COL24A1: variants seen among roughly 807,000 people sequenced by gnomAD.
COL24A1 encodes collagen type XXIV alpha 1 chain, also known as collagen alpha-1(XXIV) chain.
COL24A1 carries 224 observed loss-of-function variants against 253.9 expected under a neutral mutation model. That is an observed-to-expected ratio of 0.88 (90% CI 0.79 to 0.99). The LOEUF (loss-of-function observed/expected upper bound fraction) is 0.99, where lower values mean the gene tolerates loss of function less well. Among genes scored for constraint, COL24A1 ranks in the 50% least tolerant of loss-of-function variants. COL24A1 has a pLI of 0.00. For synonymous variants in COL24A1, 685 were observed against 673.7 expected (o/e 1.02, Z -0.26); for missense variants, 2,131 against 2,068.5 (o/e 1.03, Z -0.59).
chr1:85,898,458 C>A (rs1234576999), intron 28 of COL24A1, among the ~76,000 whole-genome samples: 2 of 152,144 alleles, frequency 1.3e-5, no homozygotes, highest in Admixed American at 1.3e-4. Flanking sequence ...AGCCATAGCT[C>A]CGGCCCTACA....
intron 35 of COL24A1, among the ~76,000 whole-genome samples, chr1:85,870,158 A>G (rs993105708): frequency 7.2e-5 from 11 of 152,242 alleles, no homozygotes; most frequent in Non-Finnish European, 7.3e-5. Flanking sequence ...TATCCTAAAT[A>G]TACATGCACC....
chr1:85,967,554 C>T (rs12736249), intron 22 of COL24A1, among the ~76,000 whole-genome samples: 30,267 of 151,930 alleles, frequency 0.2, 3,366 homozygotes, highest in Non-Finnish European at 0.24. Context: ...TGAGAGGTTG[C>T]TATCACTGGT....
At chr1:85,807,600 G>A (rs1672113924) in intron 47 of COL24A1, among the ~76,000 whole-genome samples, 1 of 152,118 alleles carries the variant, frequency 6.6e-6, no homozygotes, top group Admixed American at 6.5e-5. Flanking sequence ...TGGAAAAATT[G>A]TAGGTCTTAT....
intron 8 of COL24A1, among the ~76,000 whole-genome samples, chr1:86,060,420 C>T (rs1700999094): frequency 6.6e-6 from 1 of 152,054 alleles, no homozygotes; most frequent in African/African-American, 2.4e-5. Context: ...TGCACTTTGT[C>T]CTTCTGCTCT....
chr1:85,923,932 T>C (rs1241336293), intron 24 of COL24A1, among the ~76,000 whole-genome samples: 1 of 151,620 alleles, frequency 6.6e-6, no homozygotes, highest in Non-Finnish European at 1.5e-5. Flanking sequence ...GCAAGACTAA[T>C]AAAGAAGAAA....
At chr1:86,107,314 AT>A (rs1427713534) in intron 5 of COL24A1, among the ~76,000 whole-genome samples, 1 of 152,202 alleles carries the variant, frequency 6.6e-6, no homozygotes. Context: ...AGTACTTATG[AT>A]TGGGATAAAA....
At chr1:86,078,004 A>G (rs1316004350) in intron 7 of COL24A1, among the ~76,000 whole-genome samples, 1 of 152,162 alleles carries the variant, frequency 6.6e-6, no homozygotes, top group Non-Finnish European at 1.5e-5. Context: ...TAAAAAAAGA[A>G]AACTGCAGGC....
intron 37 of COL24A1, among the ~76,000 whole-genome samples, chr1:85,857,451 T>C: frequency 8.6e-6 from 1 of 116,918 alleles, no homozygotes; most frequent in African/African-American, 3.2e-5. Context: ...AAGGGAACCC[T>C]CTTCTCCAAA....
chr1:86,078,801 A>G (rs1702432215), intron 7 of COL24A1, among the ~76,000 whole-genome samples: 1 of 152,192 alleles, frequency 6.6e-6, no homozygotes, highest in East Asian at 1.9e-4. Context: ...AAAGAAATTG[A>G]AGAGGACACC....
chr1:86,118,954 C>T (rs938172389), intron 3 of COL24A1, among the ~76,000 whole-genome samples: 1 of 152,116 alleles, frequency 6.6e-6, no homozygotes, highest in Non-Finnish European at 1.5e-5. Flanking sequence ...AAGCAGGGGC[C>T]ATATCACATA....
At chr1:86,025,790 G>C (rs1311195261) in intron 14 of COL24A1, among the ~76,000 whole-genome samples, 1 of 152,022 alleles carries the variant, frequency 6.6e-6, no homozygotes, top group African/African-American at 2.4e-5. Context: ...CCTCTTTCCA[G>C]TCCCAAACAT....
At chr1:85,925,921 C>T (rs979762196) in intron 24 of COL24A1, among the ~76,000 whole-genome samples, 3 of 151,824 alleles carry the variant, frequency 2.0e-5, no homozygotes, top group African/African-American at 7.3e-5. Flanking sequence ...TGCAATCTAC[C>T]CATCTGACAA....
chr1:85,798,075 T>C (rs1262158311), intron 47 of COL24A1, among the ~76,000 whole-genome samples: 2 of 151,992 alleles, frequency 1.3e-5, no homozygotes, highest in African/African-American at 4.8e-5. Context: ...TGCATGCCTG[T>C]AGTCCCAGTT....
chr1:85,864,480 A>G (rs929769560), intron 37 of COL24A1, among the ~76,000 whole-genome samples: 1 of 152,148 alleles, frequency 6.6e-6, no homozygotes, highest in Non-Finnish European at 1.5e-5. Flanking sequence ...AACATGGCAC[A>G]TGTATACATA....
chr1:85,757,338 C>T (rs770944010), intron 55 of COL24A1, among the ~76,000 whole-genome samples: 2 of 151,978 alleles, frequency 1.3e-5, no homozygotes, highest in African/African-American at 2.4e-5. Context: ...ATGGACAGGA[C>T]ATTTGTACTA....
At chr1:85,922,132 G>C (rs908127834) in intron 24 of COL24A1, among the ~76,000 whole-genome samples, 3 of 152,182 alleles carry the variant, frequency 2.0e-5, no homozygotes, top group East Asian at 3.9e-4. Context: ...ATAATAAAAA[G>C]AAACGAACAA....
At chr1:86,094,625 ATTT>A (rs977854708) in intron 5 of COL24A1, among the ~76,000 whole-genome samples, 2 of 148,384 alleles carry the variant, frequency 1.3e-5, no homozygotes, top group Non-Finnish European at 3.0e-5. Context: ...TGAACTTCAA[ATTT>A]TTTTTTTTCT....
chr1:86,156,204 C>T, intron 1 of COL24A1, 137 bp downstream of exon 1: 5 of 664,242 alleles, frequency 7.5e-6, no homozygotes, highest in Non-Finnish European at 1.0e-5. Context: ...GGGAAGATAC[C>T]GCGGGTACTC....
intron 47 of COL24A1, among the ~76,000 whole-genome samples, chr1:85,801,400 T>C (rs1172972772): frequency 6.6e-6 from 1 of 152,218 alleles, no homozygotes; most frequent in Non-Finnish European, 1.5e-5. Flanking sequence ...TATTGAAAAG[T>C]GAGAGGAGAG....
Sources: allele counts gnomAD v4.1 joint callset (sites outside exome capture counted in the v4.1 genomes callset), GRCh38; gene constraint gnomAD v4.1.1; transcripts MANE v1.5; gene names NCBI Gene and HGNC (gene_info 2026-07-23, HGNC 2026-07-21).